The following PCLO variants were observed in gnomAD, a reference collection of about 807,000 sequenced individuals.
PCLO encodes the protein protein piccolo.
A neutral mutation model predicts 427.5 loss-of-function variants in PCLO; 82 were observed. The observed-to-expected ratio is 0.19, with a 90% CI of 0.16 to 0.23. PCLO has a LOEUF of 0.23. Ranked by LOEUF, PCLO falls within the 10% of genes least tolerant of loss-of-function variation. PCLO has a pLI of 1.00. For missense variants in PCLO, 6,239 were observed against 6,115.9 expected, an observed-to-expected ratio of 1.02 and a Z score of -0.67; for synonymous variants, 2,357 against 2,155.4, an observed-to-expected ratio of 1.09 and a Z score of -2.59.
intron 3 of PCLO, among the ~76,000 whole-genome samples, chr7:83,077,467 A>G (rs566252103): frequency 4.5e-4 from 69 of 152,168 alleles, no homozygotes; most frequent in Non-Finnish European, 3.5e-4. Context: ...TTACTGTTAG[A>G]CTTTTTAAGT....
At chr7:83,050,208 G>GAAAAAAAAAAAAAAAAAAAAAAAAAAAAA (rs556193471) in intron 3 of PCLO, among the ~76,000 whole-genome samples, 3 of 5,458 alleles carry the variant, frequency 5.5e-4, no homozygotes, top group Non-Finnish European at 7.2e-4. Flanking sequence ...CTGAAAAACT[G>GAAAAAAAAAAAAAAAAAAAAAAAAAAAAA]AAAAAAAAAA....
rs1795752706 is a variant in PCLO, at chr7:82,965,825, T to C, written c.3963A>G (p.Pro1321=). The part of the protein sequence containing the change: ...DKTTKTIKEQ[P]QPPCTAKPDQ... ...CAGGTTTTGCTGTGCATGGTGGCTG[T>C]GGCTGTTCTTTTATTGTTTTGGTTG... The change falls in exon 4 of 25, where the codon CCA becomes CCG. Residue 1321 remains proline, a synonymous_variant. Transcript: ENST00000333891. The C allele has an allele frequency of 6.2e-7, 1 of 1,613,926 alleles. No homozygotes were observed. The highest frequency in any genetic ancestry group is 8.5e-7 in the Non-Finnish European group (1 of 1,179,838).
At chr7:83,113,900 T>C (rs1253779171) in intron 3 of PCLO, among the ~76,000 whole-genome samples, 1 of 152,094 alleles carries the variant, frequency 6.6e-6, no homozygotes, top group Admixed American at 6.6e-5. Context: ...AGTCAAATAA[T>C]TTAAAAATAT....
chr7:83,104,801 T>A (rs1790814735), intron 3 of PCLO, among the ~76,000 whole-genome samples: 1 of 152,230 alleles, frequency 6.6e-6, no homozygotes. Flanking sequence ...GACACAACTA[T>A]GCCATAGATC....
Position 82,966,174 on chromosome 7 carries a change from G to A in PCLO, c.3614C>T (p.Ala1205Val), listed in dbSNP as rs1335855300. ...TGGCTTTTTTTCTTGAAGAGCTGAA[G>A]CTTTGTCTTTCTCTAGTTTACTCTC... is the stretch of plus-strand genomic sequence containing the variant. Reference protein sequence around the residue: ...QEESKLEKDKASALQEKKPLP... With the variant: ...QEESKLEKDKVSALQEKKPLP... The change falls in exon 4 of 25, where the codon GCT (alanine) becomes GTT (valine). Residue 1205 changes from alanine (A) to valine (V), a missense_variant. This residue lies in a region of PCLO where 4,677 missense variants were observed against 4,468.4 expected (regional missense o/e 1.05). Transcript: ENST00000333891. 2 of 1,607,888 alleles carry A rather than the reference G, an allele frequency of 1.2e-6. No homozygotes were observed. Among genetic ancestry groups the A allele is most frequent in the Non-Finnish European group, 1.7e-6 (2 of 1,177,806 alleles).
intron 3 of PCLO, among the ~76,000 whole-genome samples, chr7:83,096,006 G>A (rs986289709): frequency 1.3e-5 from 2 of 151,570 alleles, no homozygotes; most frequent in Non-Finnish European, 2.9e-5. Context: ...TTAAATCGGG[G>A]AGTTTATATC....
intron 6 of PCLO, among the ~76,000 whole-genome samples, chr7:82,924,594 A>T (rs1794670507): frequency 6.6e-6 from 1 of 152,134 alleles, no homozygotes; most frequent in Admixed American, 6.6e-5. Context: ...TGACTGAAAA[A>T]TTATGTAAGT....
rs1309595127 is a variant in PCLO, at chr7:82,754,094, G to T, written c.*4481C>A. 1 of 152,078 alleles carries T rather than the reference G, an allele frequency of 6.6e-6. No individual in the cohort carries two copies. The highest frequency in any genetic ancestry group is 1.9e-4 in the East Asian group (1 of 5,200). 9.4% of individuals were successfully genotyped at this position (152,078 alleles called of 1,614,324 possible). A position where few individuals can be genotyped will look rare whatever the true frequency, so the allele number is the denominator to read the frequency against. On this transcript the variant is annotated 3_prime_UTR_variant, in exon 25 of 25. Transcript: ENST00000333891. ...TACATAAGTTATCAAGATACATCTT[G>T]TATACAATCACAAAACCAAGACATA...
intron 15 of PCLO, among the ~76,000 whole-genome samples, chr7:82,837,647 C>A (rs1268272878): frequency 6.6e-6 from 1 of 151,896 alleles, no homozygotes; most frequent in Non-Finnish European, 1.5e-5. Flanking sequence ...ATACATCACA[C>A]AAGAGATTCA....
At chr7:82,785,822 G>A (rs933594288) in intron 22 of PCLO, among the ~76,000 whole-genome samples, 5 of 152,176 alleles carry the variant, frequency 3.3e-5, no homozygotes, top group Admixed American at 3.3e-4. Flanking sequence ...TGCAGAGCCT[G>A]TGTGGAAGAC....
At chr7:83,151,982 CAG>C (rs925066293) in intron 2 of PCLO, among the ~76,000 whole-genome samples, 2 of 149,758 alleles carry the variant, frequency 1.3e-5, no homozygotes, top group Non-Finnish European at 3.0e-5. Context: ...TTTTTTGAGA[CAG>C]AGTCTTGCTT....
chr7:82,994,807 G>A (rs923228626), intron 3 of PCLO, among the ~76,000 whole-genome samples: 9 of 151,718 alleles, frequency 5.9e-5, no homozygotes, highest in Admixed American at 4.6e-4. Flanking sequence ...TGAAGGTAGT[G>A]GGGAAAAAAC....
chr7:82,768,260 T>C (rs1171897142), intron 22 of PCLO, among the ~76,000 whole-genome samples: 1 of 151,970 alleles, frequency 6.6e-6, no homozygotes, highest in Non-Finnish European at 1.5e-5. Flanking sequence ...CCGTCTTTAC[T>C]AAAAATACAA....
At chr7:83,056,776 T>A (rs1254285382) in intron 3 of PCLO, among the ~76,000 whole-genome samples, 1 of 152,122 alleles carries the variant, frequency 6.6e-6, no homozygotes, top group East Asian at 1.9e-4. Flanking sequence ...GATGTTAAGG[T>A]GAGCAAAAAG....
intron 6 of PCLO, among the ~76,000 whole-genome samples, chr7:82,944,834 T>C (rs966186087): frequency 1.3e-5 from 2 of 152,206 alleles, no homozygotes; most frequent in Non-Finnish European, 2.9e-5. Flanking sequence ...GACTTGGTGA[T>C]GGGAAGGTAA....
chr7:83,016,192 T>C (rs1788202242), intron 3 of PCLO, among the ~76,000 whole-genome samples: 1 of 152,018 alleles, frequency 6.6e-6, no homozygotes, highest in Admixed American at 6.6e-5. Flanking sequence ...GACTAAGAAT[T>C]AGCAGTGATG....
intron 3 of PCLO, among the ~76,000 whole-genome samples, chr7:83,104,706 T>C (rs1442017813): frequency 7.2e-5 from 11 of 152,112 alleles, no homozygotes; most frequent in Admixed American, 1.3e-4. Context: ...TAGTGGAACT[T>C]CTGTGACTTG....
Position 82,916,315 on chromosome 7 carries a change from A to G in PCLO, c.11671T>C (p.Ser3891Pro), listed in dbSNP as rs761884390. The G allele has an allele frequency of 1.9e-6, 3 of 1,613,662 alleles. No individual in the cohort carries two copies. The Admixed American group carries it at 5.0e-5, about 27-fold the overall frequency. The change falls in exon 7 of 25, where the codon TCT becomes CCT. Residue 3891 changes from serine to proline, a missense_variant. This residue lies in a region of PCLO where 680 missense variants were observed against 677.3 expected (regional missense o/e 1.00). Coordinates refer to ENST00000333891, the MANE Select transcript of PCLO (RefSeq NM_033026.6). ...PTSPYTQYQY[S>P]SPALPTQAPT... ...GCTTGGGTAGGAAGAGCAGGGGAAG[A>G]GTACTGGTATTGTGTGTAAGGACTT...
chr7:82,778,756 AT>A (rs1347408389), intron 22 of PCLO, among the ~76,000 whole-genome samples: 1 of 151,528 alleles, frequency 6.6e-6, no homozygotes. Flanking sequence ...ATGCCTTTCA[AT>A]TTTTTTTATA....
Sources: gnomAD v4.1 joint callset for allele counts (sites outside exome capture counted in the v4.1 genomes callset) on GRCh38, gnomAD v4.1.1 for gene constraint, gnomAD v4.1.1 regional missense constraint, MANE v1.5 for transcripts, NCBI Gene and HGNC (gene_info 2026-07-23, HGNC 2026-07-21) for gene names.